The following PRKCE variants were observed in gnomAD, a reference collection of about 807,000 sequenced individuals.
PRKCE encodes the protein protein kinase C epsilon, also known as protein kinase C epsilon type.
Under a neutral mutation model 85.4 loss-of-function variants are expected in PRKCE, and 16 were observed. The observed-to-expected ratio is 0.19, with a 90% CI of 0.13 to 0.28. The LOEUF is 0.28. Ranked by LOEUF, PRKCE falls within the 10% of genes least tolerant of loss-of-function variation. The pLI is 1.00. For missense variants in PRKCE, 573 were observed against 975.2 expected (o/e 0.59, Z 5.49); for synonymous variants, 388 against 371.5 (o/e 1.04, Z -0.51).
At position 45,887,731 on chromosome 2, in the gene PRKCE, G is replaced by A. The variant is rs543770626; in HGVS notation, c.412+44668G>A. 2.0e-5 allele frequency among the ~76,000 whole-genome samples: 3 copies of A among 152,302 alleles called. No homozygotes were observed. In the South Asian group the frequency reaches 6.2e-4, roughly 32 times the overall value. On this transcript the variant is annotated intron_variant, in intron 2 of 14. Coordinates refer to ENST00000306156, the MANE Select transcript of PRKCE (RefSeq NM_005400.3). ...CTGCCTCCTGGAACCCACAAAGTTG[G>A]TACCTGGATGCTGCAACATTGGCTA...
At chr2:46,172,880 T>C (rs1330548472) in intron 14 of PRKCE, among the ~76,000 whole-genome samples, 1 of 152,246 alleles carries the variant, frequency 6.6e-6, no homozygotes, top group Non-Finnish European at 1.5e-5. Flanking sequence ...GAGACAGTTA[T>C]TGTACCACTT....
intron 1 of PRKCE, among the ~76,000 whole-genome samples, chr2:45,753,082 A>T (rs1296835222): frequency 6.6e-6 from 1 of 152,076 alleles, no homozygotes; most frequent in Admixed American, 6.5e-5. Context: ...GGCAGAGTTT[A>T]TCTGAGTAGG....
chr2:46,186,705 T>C lies in PRKCE; in HGVS notation c.*1824T>C, dbSNP rs1453001199. 1 of 152,576 alleles carries C rather than the reference T, an allele frequency of 6.6e-6. No homozygotes were observed. Among genetic ancestry groups the C allele is most frequent in the Non-Finnish European group, 1.5e-5 (1 of 68,018 alleles). 9.5% of individuals were successfully genotyped at this position (152,576 alleles called of 1,614,324 possible). Reference sequence around the variant, plus strand: ...GTGCTCTATTATACCCTGATAGAGATGGGGGAGAGAAAGGAATGTTTTTGA... The same window carrying C: ...GTGCTCTATTATACCCTGATAGAGACGGGGGAGAGAAAGGAATGTTTTTGA... On this transcript the variant is annotated 3_prime_UTR_variant, in exon 15 of 15. Coordinates refer to ENST00000306156, the MANE Select transcript of PRKCE (RefSeq NM_005400.3).
At chr2:46,109,456 T>C (rs867074371) in intron 11 of PRKCE, among the ~76,000 whole-genome samples, 1 of 152,200 alleles carries the variant, frequency 6.6e-6, no homozygotes, top group Non-Finnish European at 1.5e-5. Context: ...TGTAATTTTT[T>C]TGTGTGCTAC....
rs889834124 is a variant in PRKCE at position 45,652,735 on chromosome 2, G to A, written c.348+287G>A. 2.6e-5 allele frequency among the ~76,000 whole-genome samples: 4 copies of A among 152,224 alleles called. No individual in the cohort carries two copies. Among genetic ancestry groups the A allele is most frequent in the Non-Finnish European group, 4.4e-5 (3 of 68,040 alleles). On this transcript the variant is annotated intron_variant, in intron 1 of 14. Transcript: ENST00000306156. The surrounding 1 kb of genome is among the most constrained non-coding windows in gnomAD (Gnocchi z 7.7). Reference sequence around the variant, plus strand: ...CAAACTGGGAGAGCCTGGGCCACTGGTGCTGAAGGTTGGCCGAGGACCCGG... The same window carrying A: ...CAAACTGGGAGAGCCTGGGCCACTGATGCTGAAGGTTGGCCGAGGACCCGG...
At chr2:46,083,538 G>T (rs1392820087) in intron 10 of PRKCE, among the ~76,000 whole-genome samples, 1 of 148,284 alleles carries the variant, frequency 6.7e-6, no homozygotes. Flanking sequence ...ACTGTGGAAT[G>T]GGCACTTCAG....
In PRKCE at chr2:46,159,505, C is replaced by T. The variant is rs1001071457; in HGVS notation, c.1921-101C>T. The T allele has an allele frequency of 8.6e-6, 11 of 1,272,898 alleles. No homozygotes were observed. The highest frequency in any genetic ancestry group is 3.2e-5 in the South Asian group (2 of 62,338). 78.9% of individuals were successfully genotyped at this position (1,272,898 alleles called of 1,614,324 possible). ...AAGTGCAAAGAACAGACTTGGGAGG[C>T]GATGCTGAAGATGCTGCTTTGGCTG... On this transcript the variant is annotated intron_variant, in intron 13 of 14. Transcript: ENST00000306156. The surrounding 1 kb of genome is among the most constrained non-coding windows in gnomAD (Gnocchi z 4.1).
intron 10 of PRKCE, among the ~76,000 whole-genome samples, chr2:46,063,316 T>C (rs989876334): frequency 2.6e-5 from 4 of 151,490 alleles, no homozygotes; most frequent in African/African-American, 4.9e-5. Context: ...CATTGTGTTA[T>C]ACTTTTATGT....
At chr2:46,062,936 A>G (rs1667290022) in intron 10 of PRKCE, among the ~76,000 whole-genome samples, 1 of 152,218 alleles carries the variant, frequency 6.6e-6, no homozygotes, top group South Asian at 2.1e-4. Context: ...GCCTCAGCTT[A>G]TTAATGTAGG....
intron 2 of PRKCE, among the ~76,000 whole-genome samples, chr2:45,913,905 G>T (rs1697562087): frequency 6.6e-6 from 1 of 152,180 alleles, no homozygotes; most frequent in Non-Finnish European, 1.5e-5. Context: ...AAACTGGAGT[G>T]TCTGTTCCTC....
At chr2:45,707,207 C>G (rs1257047029) in intron 1 of PRKCE, among the ~76,000 whole-genome samples, 2 of 152,194 alleles carry the variant, frequency 1.3e-5, no homozygotes, top group Non-Finnish European at 2.9e-5. Context: ...GAGCATGTGT[C>G]CCAGAACTTA....
At chr2:46,037,492 A>G (rs1286926489) in intron 10 of PRKCE, among the ~76,000 whole-genome samples, 1 of 152,028 alleles carries the variant, frequency 6.6e-6, no homozygotes, top group Non-Finnish European at 1.5e-5. Flanking sequence ...TACATAAACT[A>G]CTCTGGAGGA....
intron 1 of PRKCE, among the ~76,000 whole-genome samples, chr2:45,783,606 C>G (rs1686366351): frequency 6.6e-6 from 1 of 152,188 alleles, no homozygotes; most frequent in African/African-American, 2.4e-5. Flanking sequence ...ACTGTTTAAT[C>G]CAACCTCCAG....
At chr2:45,788,854 T>A (rs565134726) in intron 1 of PRKCE, among the ~76,000 whole-genome samples, 1 of 152,310 alleles carries the variant, frequency 6.6e-6, no homozygotes, top group East Asian at 1.9e-4. Context: ...GCTTCATATG[T>A]TTAAGGATAG....
intron 2 of PRKCE, among the ~76,000 whole-genome samples, chr2:45,917,155 G>A (rs773189214): frequency 9.9e-5 from 15 of 152,194 alleles, no homozygotes; most frequent in African/African-American, 3.4e-4. Flanking sequence ...TTGACAGGGC[G>A]CTGATTGGTG....
chr2:46,119,124 A>G (rs1459837487), intron 11 of PRKCE, among the ~76,000 whole-genome samples: 2 of 152,178 alleles, frequency 1.3e-5, no homozygotes, highest in Non-Finnish European at 1.5e-5. Context: ...GGTTGGAGGC[A>G]TAATTGGTCC....
intron 10 of PRKCE, among the ~76,000 whole-genome samples, chr2:46,053,770 GGACACGTGGGT>G (rs1454898412): frequency 1.8e-4 from 18 of 102,502 alleles, no homozygotes; most frequent in African/African-American, 7.1e-4. Context: ...ACACGTGGGT[GGACACGTGGGT>G]TGCTTCTGCA....
chr2:46,038,454 C>T (rs1167527282), intron 10 of PRKCE, among the ~76,000 whole-genome samples: 52 of 152,096 alleles, frequency 3.4e-4, no homozygotes, highest in Non-Finnish European at 1.9e-4. Flanking sequence ...GGCAGGATAT[C>T]TCACGGGCCA....
chr2:45,900,856 T>C (rs1484448860), intron 2 of PRKCE, among the ~76,000 whole-genome samples: 1 of 152,218 alleles, frequency 6.6e-6, no homozygotes, highest in African/African-American at 2.4e-5. Context: ...GGATACAGGA[T>C]TGAACCAGAC....
Sources: allele counts gnomAD v4.1 joint callset (sites outside exome capture counted in the v4.1 genomes callset), GRCh38; gene constraint gnomAD v4.1.1; non-coding constraint Gnocchi (gnomAD v3.1); transcripts MANE v1.5; gene names NCBI Gene and HGNC (gene_info 2026-07-23, HGNC 2026-07-21).